NDUFA10: variants seen among roughly 807,000 people sequenced by gnomAD.
NDUFA10 encodes the protein NADH dehydrogenase [ubiquinone] 1 alpha subcomplex subunit 10, mitochondrial.
NDUFA10 carries 40 observed loss-of-function variants against 47.8 expected under a neutral mutation model. That is an observed-to-expected ratio of 0.84 (90% CI 0.65 to 1.09). NDUFA10 has a LOEUF of 1.09. Ranked by LOEUF, NDUFA10 falls within the 50% of genes least tolerant of loss-of-function variation. NDUFA10 has a pLI of 0.00. For synonymous variants in NDUFA10, 183 were observed against 172.2 expected (o/e 1.06, Z -0.49); for missense variants, 413 against 451.1 (o/e 0.92, Z 0.76).
intron 4 of NDUFA10, among the ~76,000 whole-genome samples, chr2:239,897,748 T>G (rs925346149): frequency 6.6e-6 from 1 of 152,184 alleles, no homozygotes; most frequent in Non-Finnish European, 1.5e-5. Flanking sequence ...AACCCTGCTG[T>G]TGGGAGGCCC....
intron 1 of NDUFA10, 80 bp downstream of exon 1, chr2:240,025,147 G>C (rs371251718): frequency 1.7e-6 from 2 of 1,183,674 alleles, no homozygotes; most frequent in Non-Finnish European, 2.2e-6. Context: ...CAGAGGCCGG[G>C]GGAGATGTGG....
intron 4 of NDUFA10, among the ~76,000 whole-genome samples, chr2:239,925,482 G>A (rs552455828): frequency 6.0e-4 from 91 of 152,280 alleles, no homozygotes; most frequent in Non-Finnish European, 1.1e-3. Flanking sequence ...ATTGGCAAAA[G>A]AAATGAACTG....
At chr2:240,004,210 G>T (rs865830788) in intron 8 of NDUFA10, among the ~76,000 whole-genome samples, 2 of 152,236 alleles carry the variant, frequency 1.3e-5, no homozygotes, top group South Asian at 4.2e-4. Flanking sequence ...TGCTTCCAGG[G>T]CCAGGGAGCA....
chr2:239,915,571 TATAC>T (rs1693850986), intron 4 of NDUFA10, among the ~76,000 whole-genome samples: 1 of 117,200 alleles, frequency 8.5e-6, no homozygotes, highest in South Asian at 2.7e-4. Context: ...CAGACACAAA[TATAC>T]AGACACACAC....
In NDUFA10 at chr2:239,969,703, T is replaced by C. The variant is rs747327527; in HGVS notation, c.1000-8517A>G. 3.2e-5 allele frequency: 15 copies of C among 471,438 alleles called. 1 individual carries two copies. Among genetic ancestry groups the C allele is most frequent in the South Asian group, 2.2e-4 (14 of 64,570 alleles). 29.2% of individuals were successfully genotyped at this position (471,438 alleles called of 1,614,324 possible). Reference sequence around the variant, plus strand: ...CTTCCTCTCCCCGATCCTTCAAAGGTGTTTTCTTCCAACAGACCTCTTCGA... The same window carrying C: ...CTTCCTCTCCCCGATCCTTCAAAGGCGTTTTCTTCCAACAGACCTCTTCGA... On this transcript the variant is annotated intron_variant, in intron 9 of 9. Transcript: ENST00000252711.
In NDUFA10 at chr2:239,899,902, T is replaced by A. The variant is rs144704910; in HGVS notation, c.295-4588A>T. 2.1e-3 allele frequency among the ~76,000 whole-genome samples: 317 copies of A among 151,378 alleles called. 2 individuals carry two copies. The South Asian group carries it at 0.03, about 14-fold the overall frequency. On this transcript the variant is annotated intron_variant, in intron 4 of 5. Transcript: ENST00000419408. ...CGGGAAGCCCACCAATCATCCACAG[T>A]CAGTAGGCCAGGAAGCCCACCCATC...
intron 4 of NDUFA10, among the ~76,000 whole-genome samples, chr2:239,949,949 C>G (rs539601120): frequency 1.3e-5 from 2 of 152,180 alleles, no homozygotes; most frequent in Admixed American, 1.3e-4. Flanking sequence ...CTCAGGAGAG[C>G]CCTGACTGAG....
chr2:240,017,818 G>A (rs1328870760), intron 4 of NDUFA10: 23 of 1,557,338 alleles, frequency 1.5e-5, no homozygotes, highest in Non-Finnish European at 1.9e-5. Context: ...TGGTCACCTG[G>A]CTTGCTTCGG....
chr2:239,898,989 A>AGGTATGATGGAGAGGTGTGATGGAGG (rs1693462861), intron 4 of NDUFA10, among the ~76,000 whole-genome samples: 1 of 70,712 alleles, frequency 1.4e-5, no homozygotes, highest in Admixed American at 1.7e-4. Flanking sequence ...TATGATGGAG[A>AGGTATGATGGAGAGGTGTGATGGAGG]GGTGTGATGG....
intron 4 of NDUFA10, among the ~76,000 whole-genome samples, chr2:239,914,274 C>G (rs1266783734): frequency 6.6e-6 from 1 of 150,910 alleles, no homozygotes; most frequent in Non-Finnish European, 1.5e-5. Flanking sequence ...CATACACAGA[C>G]ACACACAAAT....
At chr2:239,897,729 A>C (rs1182264643) in intron 4 of NDUFA10, among the ~76,000 whole-genome samples, 1 of 152,062 alleles carries the variant, frequency 6.6e-6, no homozygotes, top group Non-Finnish European at 1.5e-5. Flanking sequence ...CCCAGGCCTA[A>C]AGCCACCAAA....
At chr2:239,951,681 T>A (rs928677564) in intron 4 of NDUFA10, among the ~76,000 whole-genome samples, 2 of 152,220 alleles carry the variant, frequency 1.3e-5, no homozygotes, top group South Asian at 4.1e-4. Context: ...AAGACTCTAA[T>A]GGCAAGTAAA....
At chr2:239,990,242 G>T in intron 8 of NDUFA10, 60 bp from the exon 9 acceptor site, 2 of 1,360,462 alleles carry the variant, frequency 1.5e-6, no homozygotes, top group Non-Finnish European at 2.1e-6. Context: ...AATAAAAGAA[G>T]TGTAAGTCCG....
intron 5 of NDUFA10, chr2:240,014,440 AC>A: frequency 2.3e-6 from 1 of 439,906 alleles, no homozygotes; most frequent in Non-Finnish European, 4.3e-6. Context: ...GGGATGGAGG[AC>A]GCTCTGCCAG....
Position 240,018,625 on chromosome 2 carries a change from A to G in NDUFA10, c.475T>C (p.Leu159=), listed in dbSNP as rs758648890. ...HLLTTGQGVV[L]ERSIFSDFVF... The stretch of plus-strand genomic sequence containing the variant: ...AAGTCACTGAAGATGGAGCGCTCCA[A>G]CACAACACCTTGTCCTGTTTAAACA... The change falls in exon 4 of 10, where the codon TTG becomes CTG. Residue 159 remains leucine, a synonymous_variant. Transcript: ENST00000252711. 3.7e-6 allele frequency: 6 copies of G among 1,614,172 alleles called. No homozygotes were observed. Among genetic ancestry groups the G allele is most frequent in the African/African-American group, 1.3e-5 (1 of 75,044 alleles).
chr2:240,001,315 T>G (rs1025028849), intron 8 of NDUFA10, among the ~76,000 whole-genome samples: 4 of 152,134 alleles, frequency 2.6e-5, no homozygotes, highest in Non-Finnish European at 5.9e-5. Context: ...AATGGAGAAA[T>G]GTAAACACAT....
intron 4 of NDUFA10, among the ~76,000 whole-genome samples, chr2:239,926,518 A>G (rs1694068276): frequency 6.6e-6 from 1 of 152,208 alleles, no homozygotes; most frequent in Non-Finnish European, 1.5e-5. Flanking sequence ...TATGTACAGT[A>G]CATAATACTG....
intron 3 of NDUFA10, 197 bp downstream of exon 3, chr2:240,021,000 C>T: frequency 1.6e-6 from 1 of 636,146 alleles, no homozygotes; most frequent in Non-Finnish European, 2.8e-6. Flanking sequence ...CTCCAGTATC[C>T]ATAGTGAAAC....
intron 4 of NDUFA10, among the ~76,000 whole-genome samples, chr2:239,950,451 G>T (rs181619367): frequency 6.6e-6 from 1 of 152,230 alleles, no homozygotes; most frequent in South Asian, 2.1e-4. Context: ...GAAATCTGAG[G>T]AACGGTTCCT....
Sources: gnomAD v4.1 joint callset for allele counts (sites outside exome capture counted in the v4.1 genomes callset) on GRCh38, gnomAD v4.1.1 for gene constraint, MANE v1.5 for transcripts, NCBI Gene and HGNC (gene_info 2026-07-23, HGNC 2026-07-21) for gene names.